The following MAF variants were observed in gnomAD, a reference collection of about 807,000 sequenced individuals.
MAF encodes the protein transcription factor Maf.
In MAF, 10 loss-of-function variants were observed where a neutral mutation model predicts 22.0. The observed-to-expected ratio is 0.45, with a 90% CI of 0.28 to 0.77. MAF has a LOEUF of 0.77. MAF is among the 30% of genes least tolerant of loss of function. The probability of loss-of-function intolerance (pLI) is 0.12; values close to 1 mark genes in which losing one functional copy is unlikely to be tolerated. For missense variants in MAF, 544 were observed against 548.4 expected (o/e 0.99, Z 0.08); for synonymous variants, 337 against 255.8 (o/e 1.32, Z -3.03).
the MAF span, among the ~76,000 whole-genome samples, chr16:79,240,807 T>C: frequency 1.3e-5 from 2 of 151,974 alleles, no homozygotes; most frequent in Admixed American, 6.6e-5. Context: ...TCGGCTGGCA[T>C]CTGGCAGGTG....
chr16:79,413,948 G>A, the MAF span, among the ~76,000 whole-genome samples: 4 of 152,188 alleles, frequency 2.6e-5, no homozygotes, highest in Admixed American at 1.3e-4. Context: ...ATGAGCTTTG[G>A]GGCCAACACA....
At chr16:79,213,428 C>T in the MAF span, among the ~76,000 whole-genome samples, 1 of 152,208 alleles carries the variant, frequency 6.6e-6, no homozygotes, top group African/African-American at 2.4e-5. Context: ...TGTCACTTTT[C>T]AGACATTATT....
chr16:79,491,308 T>C, the MAF span, among the ~76,000 whole-genome samples: 15 of 152,302 alleles, frequency 9.8e-5, no homozygotes, highest in African/African-American at 2.6e-4. Context: ...AGGTAGTAGC[T>C]GCCTCATGAA....
chr16:79,597,525 A>G (rs1913606076), intron 1 of MAF: 2 of 1,023,912 alleles, frequency 2.0e-6, no homozygotes, highest in Middle Eastern at 4.6e-4. Context: ...TTGCCAGGTT[A>G]AATGTGTAAC....
the MAF span, among the ~76,000 whole-genome samples, chr16:79,442,560 G>C: frequency 6.6e-6 from 1 of 151,696 alleles, no homozygotes; most frequent in African/African-American, 2.4e-5. Context: ...TTAAATTTTA[G>C]TGACAGGGTC....
the MAF span, among the ~76,000 whole-genome samples, chr16:79,281,152 G>C: frequency 6.6e-6 from 1 of 151,868 alleles, no homozygotes; most frequent in Non-Finnish European, 1.5e-5. Flanking sequence ...GTAGAAGATA[G>C]GAGGTTGGAC....
chr16:79,519,900 C>T, the MAF span, among the ~76,000 whole-genome samples: 271 of 152,334 alleles, frequency 1.8e-3, no homozygotes, highest in Non-Finnish European at 2.4e-3. Context: ...CCTCCTGGCA[C>T]GGCCATGTGT....
chr16:79,419,131 C>A, the MAF span, among the ~76,000 whole-genome samples: 6 of 152,156 alleles, frequency 3.9e-5, no homozygotes, highest in Non-Finnish European at 8.8e-5. Flanking sequence ...GGAAAATGGA[C>A]ATTTCTGCCA....
At chr16:79,376,958 G>A in the MAF span, among the ~76,000 whole-genome samples, 1 of 149,548 alleles carries the variant, frequency 6.7e-6, no homozygotes, top group Non-Finnish European at 1.5e-5. Flanking sequence ...AGTCTTTGCT[G>A]TTGTGAATAG....
At chr16:79,430,800 C>T in the MAF span, among the ~76,000 whole-genome samples, 18 of 152,242 alleles carry the variant, frequency 1.2e-4, no homozygotes, top group Non-Finnish European at 2.2e-4. Flanking sequence ...GCCTTTTACA[C>T]GCATAGCTTT....
chr16:79,599,159 C>G lies in MAF; in HGVS notation c.744G>C (p.Pro248=), dbSNP rs1244757572. The part of the protein sequence containing the change: ...GAAGAGGALH[P]HHAAGGLHFD... The stretch of plus-strand genomic sequence containing the variant: ...AGTGCAGGCCGCCGGCGGCGTGGTG[C>G]GGGTGCAGGGCGCCCCCCGCCCCCG... Residue 248 remains proline (P), a synonymous_variant, in exon 1 of 2, where the codon CCG becomes CCC. Transcript: ENST00000326043. 2.3e-5 allele frequency: 35 copies of G among 1,526,982 alleles called. No homozygotes were observed. Among genetic ancestry groups the G allele is most frequent in the Non-Finnish European group, 3.1e-5 (35 of 1,141,152 alleles). 94.6% of individuals were successfully genotyped at this position (1,526,982 alleles called of 1,614,324 possible). A position where few individuals can be genotyped will look rare whatever the true frequency, so the allele number is the denominator to read the frequency against.
Position 79,594,116 on chromosome 16 carries a change from C to G in MAF, c.*344G>C, listed in dbSNP as rs1913353714. On this transcript the variant is annotated 3_prime_UTR_variant, in exon 2 of 2. Transcript: ENST00000326043. The stretch of plus-strand genomic sequence containing the variant: ...CATGCCTATATATGATTTTAAAATG[C>G]TAATTGTTGCATTCCGGGAAACTTT... The G allele has an allele frequency of 3.3e-6, 1 of 307,052 alleles. No homozygotes were observed. Among genetic ancestry groups the G allele is most frequent in the Non-Finnish European group, 6.2e-6 (1 of 161,832 alleles). 19.0% of individuals were successfully genotyped at this position (307,052 alleles called of 1,614,324 possible).
chr16:79,555,491 T>C, the MAF span, among the ~76,000 whole-genome samples: 1 of 152,206 alleles, frequency 6.6e-6, no homozygotes, highest in Non-Finnish European at 1.5e-5. Flanking sequence ...CGTAAATGCC[T>C]TCACCACAGC....
chr16:79,437,939 G>A, the MAF span, among the ~76,000 whole-genome samples: 1 of 152,144 alleles, frequency 6.6e-6, no homozygotes, highest in East Asian at 1.9e-4. Flanking sequence ...GGGGCTGCTG[G>A]CCTGGGCTTC....
the MAF span, among the ~76,000 whole-genome samples, chr16:79,505,398 T>C: frequency 1.3e-5 from 2 of 152,146 alleles, no homozygotes; most frequent in Non-Finnish European, 2.9e-5. Context: ...TTTGTCCTTG[T>C]CCCTCAGTCA....
the MAF span, among the ~76,000 whole-genome samples, chr16:79,562,368 G>A: frequency 1.3e-5 from 2 of 152,156 alleles, no homozygotes; most frequent in African/African-American, 4.8e-5. Context: ...CTTCATAGAT[G>A]ATGTGACCCG....
At chr16:79,442,041 T>A in the MAF span, among the ~76,000 whole-genome samples, 1 of 152,126 alleles carries the variant, frequency 6.6e-6, no homozygotes, top group Admixed American at 6.5e-5. Context: ...ACCCAGGAGC[T>A]GAGACAGAGG....
the MAF span, among the ~76,000 whole-genome samples, chr16:79,298,801 CA>C: frequency 2.8e-4 from 42 of 152,338 alleles, 1 homozygote; most frequent in Admixed American, 7.2e-4. Flanking sequence ...CAGGGCCTTG[CA>C]GGCTTTGGAG....
chr16:79,385,509 T>C, the MAF span, among the ~76,000 whole-genome samples: 8 of 152,276 alleles, frequency 5.3e-5, no homozygotes, highest in Non-Finnish European at 7.3e-5. Flanking sequence ...CCTTCCCTTT[T>C]AACGTACGCA....
Sources: allele counts gnomAD v4.1 joint callset (sites outside exome capture counted in the v4.1 genomes callset), GRCh38; gene constraint gnomAD v4.1.1; transcripts MANE v1.5; gene names NCBI Gene and HGNC (gene_info 2026-07-23, HGNC 2026-07-21).